SPIDR: variants seen among roughly 807,000 people sequenced by gnomAD.
SPIDR encodes the protein scaffold protein involved in DNA repair.
SPIDR carries 93 observed loss-of-function variants against 104.6 expected under a neutral mutation model. The observed-to-expected ratio is 0.89, with a 90% CI of 0.75 to 1.06. The LOEUF (loss-of-function observed/expected upper bound fraction) is 1.06. SPIDR is among the 50% of genes least tolerant of loss of function. The pLI is 0.00. For synonymous variants in SPIDR, 431 were observed against 416.9 expected, an observed-to-expected ratio of 1.03 and a Z score of -0.41; for missense variants, 1,154 against 1,111.2, an observed-to-expected ratio of 1.04 and a Z score of -0.55.
At chr8:47,489,236 T>G (rs1377064953) in intron 8 of SPIDR, among the ~76,000 whole-genome samples, 103 of 152,156 alleles carry the variant, frequency 6.8e-4, no homozygotes, top group Non-Finnish European at 9.4e-4. Context: ...AAATCATGAG[T>G]GAACTCCCAT....
At chr8:47,515,542 G>T (rs1564198360) in intron 8 of SPIDR, among the ~76,000 whole-genome samples, 1 of 152,082 alleles carries the variant, frequency 6.6e-6, no homozygotes, top group Non-Finnish European at 1.5e-5. Context: ...AATCCCCTTG[G>T]GAGGCTAATC....
At chr8:47,550,979 G>A (rs1053462899) in intron 8 of SPIDR, among the ~76,000 whole-genome samples, 8 of 152,188 alleles carry the variant, frequency 5.3e-5, no homozygotes, top group Non-Finnish European at 7.3e-5. Flanking sequence ...TTAGCATGAA[G>A]CGTTGTTGAA....
Position 47,291,138 on chromosome 8 carries a change from G to T in SPIDR, c.361+1G>T. Reference sequence around the variant, plus strand: ...AAGACACTTTCTCAGTTACAGAGAGGTAATGGACATTGCTCTAGAATAGAC... The same window carrying T: ...AAGACACTTTCTCAGTTACAGAGAGTTAATGGACATTGCTCTAGAATAGAC... On this transcript the variant is annotated splice_donor_variant, in intron 4 of 19. Transcript: ENST00000297423. LOFTEE classifies it high-confidence loss of function. 1 of 1,600,612 alleles carries T rather than the reference G, an allele frequency of 6.2e-7. No individual in the cohort carries two copies.
rs1445043378 is a variant in SPIDR at position 47,660,052 on chromosome 8, TGAAA to T, written c.1545-13743_1545-13740del. On this transcript the variant is annotated intron_variant, in intron 10 of 19. Coordinates refer to ENST00000297423, the MANE Select transcript of SPIDR (RefSeq NM_001080394.4). ...GTAGCTATGAAACTGAGCCAGTGAA[TGAAA>T]GAAAGGGAAAACACGTAGCTTTGGA... Among the ~76,000 whole-genome samples the T allele has an allele frequency of 2.6e-5, 4 of 152,272 alleles. No homozygotes were observed. In the East Asian group the frequency reaches 7.7e-4, roughly 29 times the overall value.
intron 10 of SPIDR, among the ~76,000 whole-genome samples, chr8:47,601,507 A>G (rs1371312513): frequency 6.6e-6 from 1 of 152,186 alleles, no homozygotes; most frequent in Non-Finnish European, 1.5e-5. Flanking sequence ...CATCCTGGCC[A>G]ACATGGTGAA....
chr8:47,390,412 C>T (rs1554651067), intron 5 of SPIDR, among the ~76,000 whole-genome samples: 1 of 151,784 alleles, frequency 6.6e-6, no homozygotes, highest in Non-Finnish European at 1.5e-5. Flanking sequence ...AGTCAGAATA[C>T]TTTATAGCAA....
chr8:47,511,055 C>T (rs546813376), intron 8 of SPIDR: 39 of 914,060 alleles, frequency 4.3e-5, no homozygotes, highest in Non-Finnish European at 7.0e-5. Flanking sequence ...TGCATGATGG[C>T]AGCATTGAGC....
At chr8:47,593,071 G>A (rs2061242727) in intron 8 of SPIDR, among the ~76,000 whole-genome samples, 1 of 152,026 alleles carries the variant, frequency 6.6e-6, no homozygotes, top group South Asian at 2.1e-4. Flanking sequence ...TTTTTTAGTA[G>A]AGATAGGGTT....
intron 8 of SPIDR, among the ~76,000 whole-genome samples, chr8:47,558,512 G>A (rs2056641265): frequency 6.6e-6 from 1 of 152,140 alleles, no homozygotes. Context: ...TGCCCCCAAA[G>A]AGGATAGGTT....
At position 47,436,858 on chromosome 8, in the gene SPIDR, GT is replaced by G. The variant is rs1554692366; in HGVS notation, c.878-3464del. Reference sequence around the variant, plus strand: ...GAAGGAAGGCCCTGGAGGATGTTTTGTAGAAAGAGCTTTAGAATGCTCAGTG... The same window carrying G: ...GAAGGAAGGCCCTGGAGGATGTTTTGAGAAAGAGCTTTAGAATGCTCAGTG... On this transcript the variant is annotated intron_variant, in intron 7 of 19. Transcript: ENST00000297423. Among the ~76,000 whole-genome samples, 3 of 152,136 alleles carry G rather than the reference GT, an allele frequency of 2.0e-5. No homozygotes were observed. In the East Asian group the frequency reaches 5.8e-4, roughly 29 times the overall value.
chr8:47,331,965 C>CTTTTTTTTTTTTTTTTTTGTTTT (rs2048749856), intron 5 of SPIDR, among the ~76,000 whole-genome samples: 1 of 32,702 alleles, frequency 3.1e-5, no homozygotes, highest in East Asian at 1.3e-3. Context: ...TTTTTTTAAA[C>CTTTTTTTTTTTTTTTTTTGTTTT]TTTTTTTTTT....
intron 6 of SPIDR, among the ~76,000 whole-genome samples, 195 bp downstream of exon 6, chr8:47,396,821 A>T (rs2061304041): frequency 6.6e-6 from 1 of 152,100 alleles, no homozygotes; most frequent in South Asian, 2.1e-4. Context: ...CTTAATGGAG[A>T]TTTATTTGGG....
At chr8:47,297,809 AG>A (rs2041173431) in intron 5 of SPIDR, among the ~76,000 whole-genome samples, 1 of 152,194 alleles carries the variant, frequency 6.6e-6, no homozygotes, top group Non-Finnish European at 1.5e-5. Context: ...ATGGCTGCAT[AG>A]TATTCCATGG....
chr8:47,709,887 ATT>A (rs5891256), intron 14 of SPIDR, among the ~76,000 whole-genome samples: 1 of 143,160 alleles, frequency 7.0e-6, no homozygotes, highest in Admixed American at 7.0e-5. Context: ...ATATTCACCA[ATT>A]TTTTTTTTTT....
At chr8:47,355,263 G>GT (rs1210906448) in intron 5 of SPIDR, among the ~76,000 whole-genome samples, 7 of 126,582 alleles carry the variant, frequency 5.5e-5, no homozygotes, top group Admixed American at 2.3e-4. Flanking sequence ...GCCGATGAAG[G>GT]TTTTTTGTAA....
intron 8 of SPIDR, chr8:47,511,254 GT>G: frequency 6.3e-7 from 1 of 1,580,476 alleles, no homozygotes; most frequent in Non-Finnish European, 8.7e-7. Flanking sequence ...GAATTTGGAT[GT>G]TTGTGGTAGT....
intron 2 of SPIDR, among the ~76,000 whole-genome samples, chr8:47,283,399 C>T (rs1044318722): frequency 6.6e-6 from 1 of 152,126 alleles, no homozygotes; most frequent in Non-Finnish European, 1.5e-5. Flanking sequence ...AAATCAGTTA[C>T]AGTAGTAATA....
rs1021674496 is a variant in SPIDR, at chr8:47,317,215, A to G, written c.525+23185A>G. On this transcript the variant is annotated intron_variant, in intron 5 of 19. Coordinates refer to ENST00000297423, the MANE Select transcript of SPIDR (RefSeq NM_001080394.4). ...TTCCCTTTCCTAGATGGAGAAAGGGATGACAGATGGCACCTGGAAAATTGG... is the reference window on the plus strand; with the variant it reads ...TTCCCTTTCCTAGATGGAGAAAGGGGTGACAGATGGCACCTGGAAAATTGG... Among the ~76,000 whole-genome samples the G allele has an allele frequency of 7.7e-3, 1,179 of 152,184 alleles. 11 individuals carry two copies. Among genetic ancestry groups the G allele is most frequent in the African/African-American group, 0.027 (1,131 of 41,534 alleles).
rs943656532 is a variant in SPIDR at position 47,414,743 on chromosome 8, C to T, written c.877+6782C>T. 3.3e-5 allele frequency among the ~76,000 whole-genome samples: 5 copies of T among 152,042 alleles called. No individual in the cohort carries two copies. The South Asian group carries it at 6.2e-4, about 19-fold the overall frequency. ...TTCGTTGACTGAAGGGCCTTTGGGT[C>T]GTTTCCATATTTGAGTCATTACAAA... is the stretch of plus-strand genomic sequence containing the variant. On this transcript the variant is annotated intron_variant, in intron 7 of 19. Coordinates refer to ENST00000297423, the MANE Select transcript of SPIDR (RefSeq NM_001080394.4).
Sources: gnomAD v4.1 joint callset for allele counts (sites outside exome capture counted in the v4.1 genomes callset) on GRCh38, gnomAD v4.1.1 for gene constraint, MANE v1.5 for transcripts, NCBI Gene and HGNC (gene_info 2026-07-23, HGNC 2026-07-21) for gene names.